PRKCA: variants seen among roughly 807,000 people sequenced by gnomAD.
PRKCA encodes the protein protein kinase C alpha type.
In PRKCA, 27 loss-of-function variants were observed where a neutral mutation model predicts 87.0. The observed-to-expected ratio is 0.31, with a 90% CI of 0.23 to 0.43. The LOEUF (loss-of-function observed/expected upper bound fraction) is 0.43. Among genes scored for constraint, PRKCA ranks in the 20% least tolerant of loss-of-function variants. PRKCA has a pLI of 1.00. For synonymous variants in PRKCA, 329 were observed against 311.1 expected, an observed-to-expected ratio of 1.06 and a Z score of -0.61; for missense variants, 518 against 852.3, an observed-to-expected ratio of 0.61 and a Z score of 4.88.
At chr17:66,381,613 C>T (rs1478643547) in intron 2 of PRKCA, among the ~76,000 whole-genome samples, 1 of 152,152 alleles carries the variant, frequency 6.6e-6, no homozygotes, top group Non-Finnish European at 1.5e-5. Flanking sequence ...TACAAGGAGT[C>T]AGATTTGCCT....
chr17:66,603,433 G>T (rs1365743528), intron 3 of PRKCA, among the ~76,000 whole-genome samples: 1 of 151,988 alleles, frequency 6.6e-6, no homozygotes, highest in Non-Finnish European at 1.5e-5. Flanking sequence ...TTTCAAAACG[G>T]GTCCTTTTTA....
At chr17:66,628,732 C>T (rs998184646) in intron 3 of PRKCA, among the ~76,000 whole-genome samples, 4 of 152,122 alleles carry the variant, frequency 2.6e-5, no homozygotes, top group Admixed American at 6.5e-5. Flanking sequence ...CACTGAACAT[C>T]AATAAATAAA....
chr17:66,534,139 T>C (rs1163650362), intron 3 of PRKCA, among the ~76,000 whole-genome samples: 1 of 147,918 alleles, frequency 6.8e-6, no homozygotes, highest in East Asian at 2.1e-4. Context: ...TCTTCCCAAG[T>C]GAAGCTGACC....
chr17:66,499,087 A>G (rs1916608727), intron 3 of PRKCA, among the ~76,000 whole-genome samples: 1 of 152,152 alleles, frequency 6.6e-6, no homozygotes, highest in South Asian at 2.1e-4. Flanking sequence ...GAGTCAGTTG[A>G]GTATGGAGGC....
chr17:66,650,734 A>G (rs935910381), intron 5 of PRKCA, among the ~76,000 whole-genome samples: 4 of 152,162 alleles, frequency 2.6e-5, no homozygotes, highest in African/African-American at 9.7e-5. Context: ...CCCTGCAGAT[A>G]TGGAGACTCA....
At chr17:66,526,633 C>G (rs1967356559) in intron 3 of PRKCA, among the ~76,000 whole-genome samples, 1 of 152,030 alleles carries the variant, frequency 6.6e-6, no homozygotes, top group African/African-American at 2.4e-5. Context: ...TTACTTCTGT[C>G]TCATTATGTT....
At chr17:66,528,016 G>A (rs1347607493) in intron 3 of PRKCA, among the ~76,000 whole-genome samples, 1 of 152,034 alleles carries the variant, frequency 6.6e-6, no homozygotes, top group Admixed American at 6.5e-5. Context: ...TGGCCAACAT[G>A]GTGAGATGGT....
chr17:66,633,712 T>A (rs1334081136), intron 3 of PRKCA, among the ~76,000 whole-genome samples: 1 of 152,236 alleles, frequency 6.6e-6, no homozygotes, highest in Non-Finnish European at 1.5e-5. Context: ...CAAGCCAGGA[T>A]GACCTCTAAC....
chr17:66,554,561 T>C, intron 3 of PRKCA: 1 of 956,860 alleles, frequency 1.0e-6, no homozygotes, highest in Non-Finnish European at 1.2e-6. Context: ...CCTTTTGAGA[T>C]CCTACTCACT....
intron 2 of PRKCA, among the ~76,000 whole-genome samples, chr17:66,479,171 GA>G (rs1270139657): frequency 6.6e-6 from 1 of 151,650 alleles, no homozygotes; most frequent in East Asian, 1.9e-4. Context: ...AAATTTACAA[GA>G]AAAAAACAAC....
chr17:66,388,723 T>C (rs561510642), intron 2 of PRKCA, among the ~76,000 whole-genome samples: 2 of 152,314 alleles, frequency 1.3e-5, no homozygotes, highest in East Asian at 3.9e-4. Context: ...TCACAGGCCC[T>C]GGAGGTTTGT....
chr17:66,352,779 G>T (rs1178746998), intron 2 of PRKCA, among the ~76,000 whole-genome samples: 3 of 151,682 alleles, frequency 2.0e-5, no homozygotes, highest in Non-Finnish European at 2.9e-5. Context: ...GACCAGGCTG[G>T]TCTTGAACTC....
chr17:66,346,873 T>C (rs1907407544), intron 2 of PRKCA, among the ~76,000 whole-genome samples: 1 of 151,760 alleles, frequency 6.6e-6, no homozygotes, highest in Non-Finnish European at 1.5e-5. Context: ...CTACTAAAAA[T>C]ACAAAAAATT....
rs560647598 is a variant in PRKCA, at chr17:66,809,601, G to A, written c.*5564G>A. 6.6e-6 allele frequency: 1 copy of A among 152,196 alleles called. No individual in the cohort carries two copies. Among genetic ancestry groups the A allele is most frequent in the Non-Finnish European group, 1.5e-5 (1 of 68,018 alleles). 9.4% of individuals were successfully genotyped at this position (152,196 alleles called of 1,614,324 possible). A position where few individuals can be genotyped will look rare whatever the true frequency, so the allele number is the denominator to read the frequency against. ...AGCCTGGGTCAGCTGGAGCACCCCC[G>A]ACCTGATCTCCCACTGCCAGATTTT... is the stretch of plus-strand genomic sequence containing the variant. On this transcript the variant is annotated 3_prime_UTR_variant, in exon 17 of 17. Transcript: ENST00000413366.
rs138709564 is a variant in PRKCA at position 66,368,542 on chromosome 17, C to T, written c.205+62415C>T. Among the ~76,000 whole-genome samples, 178 of 151,042 alleles carry T rather than the reference C, an allele frequency of 1.2e-3. 2 individuals are homozygous for T. The East Asian group carries it at 0.032, about 27-fold the overall frequency. On this transcript the variant is annotated intron_variant, in intron 2 of 16. Coordinates refer to ENST00000413366, the MANE Select transcript of PRKCA (RefSeq NM_002737.3). ...AGTAGCTGGGACTACAGGCATACAC[C>T]ACCACATCCGGCTAATTTTTGTATT...
intron 2 of PRKCA, among the ~76,000 whole-genome samples, chr17:66,336,726 G>A (rs373729459): frequency 7.8e-5 from 8 of 102,896 alleles, no homozygotes; most frequent in Admixed American, 1.8e-4. Context: ...TGGTTAATTC[G>A]CCACATCCTG....
chr17:66,357,204 A>G (rs1908112343), intron 2 of PRKCA, among the ~76,000 whole-genome samples: 1 of 152,122 alleles, frequency 6.6e-6, no homozygotes, highest in Non-Finnish European at 1.5e-5. Flanking sequence ...AGTCATGGGT[A>G]TAGGAACTGG....
chr17:66,702,288 CATT>C (rs1028142999), intron 8 of PRKCA, among the ~76,000 whole-genome samples: 1 of 151,956 alleles, frequency 6.6e-6, no homozygotes, highest in Non-Finnish European at 1.5e-5. Context: ...ACCTGGAGGA[CATT>C]ATCATATTAT....
intron 13 of PRKCA, among the ~76,000 whole-genome samples, chr17:66,772,765 C>T (rs901872631): frequency 1.3e-5 from 2 of 152,082 alleles, no homozygotes; most frequent in African/African-American, 4.8e-5. Flanking sequence ...TTCTGATAGC[C>T]ACAAAGGTAG....
Sources: allele counts gnomAD v4.1 joint callset (sites outside exome capture counted in the v4.1 genomes callset), GRCh38; gene constraint gnomAD v4.1.1; transcripts MANE v1.5; gene names NCBI Gene and HGNC (gene_info 2026-07-23, HGNC 2026-07-21).